Variants in RBMS3 observed in about 807,000 individuals in gnomAD.
RBMS3 encodes RNA-binding motif, single-stranded-interacting protein 3.
Under a neutral mutation model 66.8 loss-of-function variants are expected in RBMS3, and 27 were observed. That is an observed-to-expected ratio of 0.40 (90% CI 0.30 to 0.56). The LOEUF is 0.56. RBMS3 is among the 20% of genes least tolerant of loss of function. RBMS3 has a pLI of 0.40. For missense variants in RBMS3, 513 were observed against 549.5 expected, an observed-to-expected ratio of 0.93 and a Z score of 0.66; for synonymous variants, 188 against 183.0, an observed-to-expected ratio of 1.03 and a Z score of -0.22.
intron 1 of RBMS3, among the ~76,000 whole-genome samples, chr3:29,283,285 C>T (rs919141494): frequency 1.3e-5 from 2 of 152,110 alleles, no homozygotes; most frequent in Non-Finnish European, 1.5e-5. Flanking sequence ...CACTTTGTTT[C>T]GGGTCCTTGT....
intron 12 of RBMS3, among the ~76,000 whole-genome samples, chr3:29,958,966 C>G (rs1288809073): frequency 6.6e-6 from 1 of 152,146 alleles, no homozygotes; most frequent in African/African-American, 2.4e-5. Context: ...TTTACTACCC[C>G]TTTTTCACCA....
At chr3:29,858,509 C>A (rs1183276605) in intron 6 of RBMS3, among the ~76,000 whole-genome samples, 1 of 152,162 alleles carries the variant, frequency 6.6e-6, no homozygotes, top group Non-Finnish European at 1.5e-5. Flanking sequence ...TTTAGCCACA[C>A]AAGTTTCGCT....
chr3:29,459,254 C>G (rs949939862), intron 2 of RBMS3, among the ~76,000 whole-genome samples: 8 of 152,100 alleles, frequency 5.3e-5, no homozygotes, highest in Non-Finnish European at 1.0e-4. Flanking sequence ...TCACTCCCTC[C>G]CCTGTGGTTT....
At chr3:29,855,813 A>C (rs1168589283) in intron 6 of RBMS3, among the ~76,000 whole-genome samples, 2 of 152,224 alleles carry the variant, frequency 1.3e-5, no homozygotes, top group Non-Finnish European at 2.9e-5. Context: ...CCACGCTGGA[A>C]AATACATAAG....
chr3:29,405,177 G>A (rs1280047973), intron 1 of RBMS3, among the ~76,000 whole-genome samples: 1 of 152,084 alleles, frequency 6.6e-6, no homozygotes, highest in African/African-American at 2.4e-5. Flanking sequence ...GGGAAAGTCA[G>A]GTGTTGTTCA....
intron 3 of RBMS3, among the ~76,000 whole-genome samples, chr3:29,528,108 ATTTTT>A (rs66534941): frequency 9.2e-6 from 1 of 108,160 alleles, no homozygotes; most frequent in African/African-American, 3.8e-5. Flanking sequence ...TGCAAGCAAG[ATTTTT>A]TTTTTTTTTT....
intron 4 of RBMS3, among the ~76,000 whole-genome samples, chr3:29,602,743 C>T (rs9855137): frequency 0.15 from 22,226 of 151,894 alleles, 1,877 homozygotes; most frequent in East Asian, 0.32. Flanking sequence ...ATGGTAAAGA[C>T]ATTAAATACA....
At chr3:29,909,903 G>A (rs1474466439) in intron 10 of RBMS3, among the ~76,000 whole-genome samples, 1 of 152,028 alleles carries the variant, frequency 6.6e-6, no homozygotes, top group Non-Finnish European at 1.5e-5. Flanking sequence ...AGAACAGCAG[G>A]CACAGCATTC....
intron 1 of RBMS3, among the ~76,000 whole-genome samples, chr3:29,416,812 G>GA (rs1269471853): frequency 1.3e-5 from 2 of 152,190 alleles, no homozygotes; most frequent in East Asian, 3.9e-4. Context: ...GGAAGTAGAA[G>GA]AAAAAATCTG....
At chr3:29,538,013 A>G (rs1553618058) in intron 3 of RBMS3, among the ~76,000 whole-genome samples, 1 of 152,166 alleles carries the variant, frequency 6.6e-6, no homozygotes, top group Non-Finnish European at 1.5e-5. Flanking sequence ...ACAGGGAGCA[A>G]ATAATTTTAT....
At position 29,930,109 on chromosome 3, in the gene RBMS3, C is replaced by CTTTTTTTTTTTTTTTT; in HGVS notation, c.940-5972_940-5957dup. ...TACTTTGTGTCACTTTTCTTTCTTT[C>CTTTTTTTTTTTTTTTT]TTTTTTTTTTTTTTTTTTTTGAGAT... On this transcript the variant is annotated intron_variant, in intron 10 of 14. Coordinates refer to ENST00000383767, the MANE Select transcript of RBMS3 (RefSeq NM_001003793.3). Among the ~76,000 whole-genome samples the CTTTTTTTTTTTTTTTT allele has an allele frequency of 4.9e-3, 214 of 43,552 alleles. 17 individuals are homozygous for CTTTTTTTTTTTTTTTT. Among genetic ancestry groups the CTTTTTTTTTTTTTTTT allele is most frequent in the East Asian group, 0.011 (14 of 1,286 alleles). 28.6% of individuals were successfully genotyped at this position (43,552 alleles called of 152,430 possible).
intron 1 of RBMS3, among the ~76,000 whole-genome samples, chr3:29,376,866 C>T (rs1179584923): frequency 6.6e-6 from 1 of 151,596 alleles, no homozygotes; most frequent in Non-Finnish European, 1.5e-5. Context: ...GATCGTGCCA[C>T]TGCACTCCAG....
intron 5 of RBMS3, among the ~76,000 whole-genome samples, chr3:29,761,690 A>G (rs2055695594): frequency 6.6e-6 from 1 of 152,148 alleles, no homozygotes; most frequent in African/African-American, 2.4e-5. Flanking sequence ...ATATGGTCCT[A>G]TAATATGGCC....
intron 5 of RBMS3, among the ~76,000 whole-genome samples, chr3:29,752,353 G>A (rs897650607): frequency 9.9e-5 from 15 of 152,062 alleles, no homozygotes; most frequent in African/African-American, 3.1e-4. Context: ...GGGTGGGGCC[G>A]GCCAGGGTAG....
At chr3:29,622,974 G>A (rs189602071) in intron 4 of RBMS3, among the ~76,000 whole-genome samples, 48 of 151,192 alleles carry the variant, frequency 3.2e-4, no homozygotes, top group African/African-American at 8.5e-4. Context: ...AAAATTAGCC[G>A]GGTGTGGTGG....
chr3:29,469,743 C>T (rs529506905), intron 2 of RBMS3, among the ~76,000 whole-genome samples: 1 of 150,940 alleles, frequency 6.6e-6, no homozygotes, highest in African/African-American at 2.4e-5. Context: ...TATTTTATTA[C>T]AGAACACAGG....
intron 6 of RBMS3, among the ~76,000 whole-genome samples, chr3:29,782,235 T>C (rs1221303572): frequency 6.6e-6 from 1 of 151,834 alleles, no homozygotes; most frequent in African/African-American, 2.4e-5. Context: ...ACAAAACCAG[T>C]GCACTAAACA....
chr3:29,464,222 G>C (rs1202473288), intron 2 of RBMS3, among the ~76,000 whole-genome samples: 2 of 152,144 alleles, frequency 1.3e-5, no homozygotes, highest in African/African-American at 4.8e-5. Flanking sequence ...TAAGTCTGTG[G>C]TTGCAGCCAG....
intron 12 of RBMS3, among the ~76,000 whole-genome samples, chr3:29,963,081 G>T (rs183041823): frequency 4.6e-5 from 7 of 150,932 alleles, no homozygotes; most frequent in African/African-American, 1.7e-4. Flanking sequence ...CAGAATGCAA[G>T]ATAAAATCCC....
Sources: allele counts gnomAD v4.1 joint callset (sites outside exome capture counted in the v4.1 genomes callset), GRCh38; gene constraint gnomAD v4.1.1; transcripts MANE v1.5; gene names NCBI Gene and HGNC (gene_info 2026-07-23, HGNC 2026-07-21).